Variants in RNF150 observed in about 807,000 individuals in gnomAD.
RNF150 encodes ring finger protein 150.
A neutral mutation model predicts 39.3 loss-of-function variants in RNF150; 24 were observed. The observed-to-expected ratio is 0.61, with a 90% CI of 0.44 to 0.86. The LOEUF (loss-of-function observed/expected upper bound fraction) is 0.86. RNF150 is among the 40% of genes least tolerant of loss of function. The pLI is 0.00. For missense variants in RNF150, 502 were observed against 587.8 expected, an observed-to-expected ratio of 0.85 and a Z score of 1.51; for synonymous variants, 255 against 227.3, an observed-to-expected ratio of 1.12 and a Z score of -1.10.
chr4:141,205,018 G>A (rs4645293), intron 1 of RNF150, among the ~76,000 whole-genome samples: 1 of 152,030 alleles, frequency 6.6e-6, no homozygotes, highest in Admixed American at 6.5e-5. Flanking sequence ...GGATAAACAT[G>A]CTTAAAATAA....
chr4:140,932,131 C>A (rs566833983), intron 4 of RNF150, among the ~76,000 whole-genome samples: 23 of 152,310 alleles, frequency 1.5e-4, no homozygotes, highest in African/African-American at 5.5e-4. Context: ...AAAAATGTGA[C>A]TCACTCAGGT....
chr4:141,107,922 A>G (rs1040281219), intron 1 of RNF150, among the ~76,000 whole-genome samples: 2 of 152,146 alleles, frequency 1.3e-5, no homozygotes, highest in Non-Finnish European at 2.9e-5. Flanking sequence ...TGCCAGTTCT[A>G]TTCTTTCATA....
intron 1 of RNF150, among the ~76,000 whole-genome samples, chr4:141,182,936 C>A (rs889723090): frequency 1.3e-5 from 2 of 151,472 alleles, no homozygotes; most frequent in Admixed American, 6.6e-5. Flanking sequence ...AACTATACTA[C>A]AAGGCTACAG....
At chr4:140,950,649 C>T (rs1732506791) in intron 2 of RNF150, among the ~76,000 whole-genome samples, 1 of 152,236 alleles carries the variant, frequency 6.6e-6, no homozygotes. Context: ...GCCAGCCAGT[C>T]AGCCATCCAT....
chr4:141,104,090 G>A (rs984564511), intron 1 of RNF150, among the ~76,000 whole-genome samples: 1 of 152,114 alleles, frequency 6.6e-6, no homozygotes, highest in Non-Finnish European at 1.5e-5. Context: ...ATAAGGCTTG[G>A]GGTTCTAGGG....
intron 1 of RNF150, among the ~76,000 whole-genome samples, chr4:141,152,563 A>G (rs889612828): frequency 1.3e-5 from 2 of 152,186 alleles, no homozygotes; most frequent in Non-Finnish European, 2.9e-5. Flanking sequence ...CACAGAAAGC[A>G]TTCTGTCAAT....
intron 6 of RNF150, among the ~76,000 whole-genome samples, chr4:140,881,200 T>C (rs1352879384): frequency 1.3e-5 from 2 of 151,910 alleles, no homozygotes; most frequent in Non-Finnish European, 2.9e-5. Context: ...TCTAGCTGTA[T>C]GGCACAGGCT....
chr4:140,867,173 A>G lies in RNF150; in HGVS notation c.*1088T>C, dbSNP rs1022850052. Reference sequence around the variant, plus strand: ...CTCCCACATGGTCTGGTGAGATTCAACAGAAGTGTGTCGAAATTAAGGTAA... The same window carrying G: ...CTCCCACATGGTCTGGTGAGATTCAGCAGAAGTGTGTCGAAATTAAGGTAA... On this transcript the variant is annotated 3_prime_UTR_variant, in exon 7 of 7. Coordinates refer to ENST00000515673, the MANE Select transcript of RNF150 (RefSeq NM_020724.2). 4 of 152,218 alleles carry G rather than the reference A, an allele frequency of 2.6e-5. No individual in the cohort carries two copies. The highest frequency in any genetic ancestry group is 5.9e-5 in the Non-Finnish European group (4 of 68,040). The allele number at this position is 152,218 out of a possible 1,614,324, so 9.4% of individuals were successfully genotyped here. A position where few individuals can be genotyped will look rare whatever the true frequency, so the allele number is the denominator to read the frequency against.
rs559437332 is a variant in RNF150 at position 140,888,753 on chromosome 4, C to G, written c.1199-20374G>C. Among the ~76,000 whole-genome samples the G allele has an allele frequency of 3.3e-5, 5 of 152,272 alleles. No individual in the cohort carries two copies. The South Asian group carries it at 1.0e-3, about 32-fold the overall frequency. ...TTGTTTCCTTACTAGGCTGATAAAG[C>G]TGAAAGAGACTTAGAGATTATTTAC... On this transcript the variant is annotated intron_variant, in intron 6 of 6. Transcript: ENST00000515673.
chr4:141,097,215 C>G (rs1464509221), intron 1 of RNF150, among the ~76,000 whole-genome samples: 1 of 152,154 alleles, frequency 6.6e-6, no homozygotes. Context: ...AAAGGACCTT[C>G]TTGTGTGCAC....
intron 1 of RNF150, among the ~76,000 whole-genome samples, chr4:141,052,529 C>A (rs1197360755): frequency 1.3e-5 from 2 of 152,116 alleles, no homozygotes; most frequent in African/African-American, 4.8e-5. Context: ...GCATGCGCCA[C>A]CATGCCCAGC....
intron 1 of RNF150, among the ~76,000 whole-genome samples, chr4:141,150,614 A>G (rs559495771): frequency 3.2e-4 from 49 of 152,332 alleles, no homozygotes; most frequent in South Asian, 1.4e-3. Context: ...AGATTGGCCT[A>G]TATGGCCCCT....
intron 6 of RNF150, among the ~76,000 whole-genome samples, chr4:140,885,022 T>C (rs1232546867): frequency 1.3e-5 from 2 of 152,186 alleles, no homozygotes; most frequent in Non-Finnish European, 2.9e-5. Flanking sequence ...AATTGGTCTA[T>C]ACACATTTCT....
At chr4:140,906,063 T>G (rs1730360980) in intron 6 of RNF150, among the ~76,000 whole-genome samples, 1 of 152,090 alleles carries the variant, frequency 6.6e-6, no homozygotes, top group African/African-American at 2.4e-5. Context: ...AAAAAATTTT[T>G]TGGGGTATGT....
At chr4:140,914,220 C>T (rs1289155178) in intron 5 of RNF150, among the ~76,000 whole-genome samples, 1 of 152,022 alleles carries the variant, frequency 6.6e-6, no homozygotes, top group East Asian at 1.9e-4. Flanking sequence ...GTGAAACTGT[C>T]AATGGTAGCA....
chr4:140,921,071 C>T (rs1163677634), intron 5 of RNF150, among the ~76,000 whole-genome samples: 1 of 150,262 alleles, frequency 6.7e-6, no homozygotes, highest in Non-Finnish European at 1.5e-5. Context: ...AGGAGATATA[C>T]CTAACGCTAA....
chr4:141,124,697 T>C (rs1003695042), intron 1 of RNF150, among the ~76,000 whole-genome samples: 1 of 152,154 alleles, frequency 6.6e-6, no homozygotes, highest in Admixed American at 6.5e-5. Context: ...TCTTTGCATT[T>C]TCAATAGTGT....
intron 1 of RNF150, among the ~76,000 whole-genome samples, chr4:141,077,920 T>G (rs992897011): frequency 2.6e-5 from 4 of 152,188 alleles, no homozygotes; most frequent in African/African-American, 9.6e-5. Context: ...CTAATGTAAA[T>G]TATGAAGGCT....
intron 1 of RNF150, among the ~76,000 whole-genome samples, chr4:141,019,626 G>A (rs1298696346): frequency 6.6e-6 from 1 of 152,114 alleles, no homozygotes; most frequent in Non-Finnish European, 1.5e-5. Context: ...ACTAAACTGA[G>A]ACTTAAATAT....
Sources: allele counts gnomAD v4.1 joint callset (sites outside exome capture counted in the v4.1 genomes callset), GRCh38; gene constraint gnomAD v4.1.1; transcripts MANE v1.5; gene names NCBI Gene and HGNC (gene_info 2026-07-23, HGNC 2026-07-21).